Variants in COL24A1 observed in about 807,000 individuals in gnomAD.
The protein encoded by COL24A1 is collagen type XXIV alpha 1 chain.
A neutral mutation model predicts 253.9 loss-of-function variants in COL24A1; 224 were observed. The ratio of observed to expected loss-of-function variants is 0.88; its 90% CI spans 0.79 to 0.99. The LOEUF is 0.99. Ranked by LOEUF, COL24A1 falls within the 50% of genes least tolerant of loss-of-function variation. The probability of loss-of-function intolerance (pLI) is 0.00; values close to 1 mark genes in which losing one functional copy is unlikely to be tolerated. For missense variants in COL24A1, 2,131 were observed against 2,068.5 expected (o/e 1.03, Z -0.59); for synonymous variants, 685 against 673.7 (o/e 1.02, Z -0.26).
intron 37 of COL24A1, among the ~76,000 whole-genome samples, chr1:85,849,670 C>T (rs1310162284): frequency 3.3e-5 from 5 of 152,146 alleles, no homozygotes; most frequent in Non-Finnish European, 5.9e-5. Context: ...TGGAACATTA[C>T]TTAGATTCAG....
intron 2 of COL24A1, among the ~76,000 whole-genome samples, chr1:86,132,945 A>G (rs1437669561): frequency 6.6e-6 from 1 of 152,048 alleles, no homozygotes. Context: ...GAATCTGTAA[A>G]TTACCTTGGG....
intron 19 of COL24A1, among the ~76,000 whole-genome samples, chr1:85,990,156 A>G (rs1412240434): frequency 6.6e-6 from 1 of 151,984 alleles, no homozygotes. Context: ...GAAAGAAAGT[A>G]CATGTTTCGT....
Position 86,146,160 on chromosome 1 carries a change from A to G in COL24A1, c.80T>C (p.Val27Ala), listed in dbSNP as rs1340671011. 3 of 1,611,188 alleles carry G rather than the reference A, an allele frequency of 1.9e-6. No individual in the cohort carries two copies. In the African/African-American group the frequency reaches 4.0e-5, roughly 22 times the overall value. The change falls in exon 2 of 60, where the codon GTA becomes GCA. Residue 27 changes from valine (V) to alanine (A), a missense_variant. Physicochemically the swap from Val to Ala is moderately conservative, Grantham distance 64. Coordinates refer to ENST00000370571, the MANE Select transcript of COL24A1 (RefSeq NM_152890.7). ...AKTKSLLHFI[V>A]LCVAGVVVHA... Reference sequence around the variant, plus strand: ...AACAACCACCCCAGCCACACATAGTACAATAAAATGAAGAAGTGATTTCCT... The same window carrying G: ...AACAACCACCCCAGCCACACATAGTGCAATAAAATGAAGAAGTGATTTCCT...
chr1:85,921,612 G>A (rs1686505915), intron 24 of COL24A1, among the ~76,000 whole-genome samples: 1 of 152,166 alleles, frequency 6.6e-6, no homozygotes, highest in Non-Finnish European at 1.5e-5. Flanking sequence ...CTAACAGAAA[G>A]GAATAGCATC....
chr1:85,801,868 T>C (rs985688233), intron 47 of COL24A1, among the ~76,000 whole-genome samples: 1 of 152,254 alleles, frequency 6.6e-6, no homozygotes, highest in South Asian at 2.1e-4. Flanking sequence ...ATTTGCTTTT[T>C]CAGTGACGGG....
intron 24 of COL24A1, among the ~76,000 whole-genome samples, chr1:85,945,020 T>G (rs1571320441): frequency 9.8e-5 from 9 of 91,642 alleles, no homozygotes; most frequent in African/African-American, 1.9e-4. Context: ...TTTTTTTTTT[T>G]TTTTTTTTTT....
intron 47 of COL24A1, among the ~76,000 whole-genome samples, chr1:85,815,902 A>G (rs892875368): frequency 6.6e-6 from 1 of 152,222 alleles, no homozygotes; most frequent in African/African-American, 2.4e-5. Flanking sequence ...TGGTTAAGCA[A>G]AGACAAAAAT....
intron 12 of COL24A1, among the ~76,000 whole-genome samples, chr1:86,044,093 G>A (rs12729890): frequency 8.2e-4 from 124 of 151,926 alleles, no homozygotes; most frequent in African/African-American, 2.9e-3. Context: ...TACTTTTTTC[G>A]ACATCAAAGA....
rs1040953080 is a variant in COL24A1, at chr1:85,803,354, C to T, written c.3951+13434G>A. On this transcript the variant is annotated intron_variant, in intron 47 of 59. Coordinates refer to ENST00000370571, the MANE Select transcript of COL24A1 (RefSeq NM_152890.7). ...CTGAGGCAGGAGAATCACTTGAACT[C>T]GGGAGGTGGAGGTTGCAGTGAGCTG... 1.4e-4 allele frequency among the ~76,000 whole-genome samples: 21 copies of T among 147,956 alleles called. 1 individual carries two copies. The highest frequency in any genetic ancestry group is 2.4e-4 in the Non-Finnish European group (16 of 67,408).
chr1:85,771,788 T>TTATTTATC (rs1667993839), intron 53 of COL24A1, among the ~76,000 whole-genome samples: 1 of 150,424 alleles, frequency 6.6e-6, no homozygotes. Context: ...TTTTATTTAT[T>TTATTTATC]TATTTATTTA....
intron 18 of COL24A1, among the ~76,000 whole-genome samples, chr1:86,017,505 A>T (rs929954637): frequency 2.0e-5 from 3 of 152,224 alleles, no homozygotes; most frequent in African/African-American, 7.2e-5. Context: ...ATAAGACAAT[A>T]AAGCTGGACT....
intron 10 of COL24A1, among the ~76,000 whole-genome samples, chr1:86,050,499 GAA>G (rs1401147141): frequency 2.6e-5 from 4 of 152,000 alleles, no homozygotes; most frequent in African/African-American, 4.8e-5. Flanking sequence ...GGTATCAAAA[GAA>G]TATAAGAATA....
intron 57 of COL24A1, among the ~76,000 whole-genome samples, chr1:85,740,881 G>A (rs1350686397): frequency 5.4e-5 from 8 of 146,790 alleles, no homozygotes; most frequent in African/African-American, 1.5e-4. Flanking sequence ...AGGCCGAGGC[G>A]GGCAGATCAC....
At chr1:85,999,253 G>C (rs559538097) in intron 19 of COL24A1, among the ~76,000 whole-genome samples, 37 of 152,252 alleles carry the variant, frequency 2.4e-4, no homozygotes, top group African/African-American at 8.7e-4. Flanking sequence ...CAAGTACAGG[G>C]AAATAAGTTC....
intron 34 of COL24A1, 98 bp downstream of exon 34, chr1:85,875,179 G>C: frequency 9.6e-7 from 1 of 1,040,306 alleles, no homozygotes; most frequent in South Asian, 1.4e-5. Context: ...GCTTCCACCT[G>C]CTTTCAAGTT....
At chr1:86,092,172 T>C in intron 6 of COL24A1, 95 bp downstream of exon 6, 1 of 929,256 alleles carries the variant, frequency 1.1e-6, no homozygotes, top group Non-Finnish European at 1.6e-6. Flanking sequence ...TTTTTTCCTG[T>C]CTGATACAGT....
chr1:86,041,254 G>A (rs946866124), intron 12 of COL24A1, among the ~76,000 whole-genome samples: 1 of 152,118 alleles, frequency 6.6e-6, no homozygotes, highest in African/African-American at 2.4e-5. Flanking sequence ...AACTTTAAAT[G>A]TAATGTGATT....
chr1:86,026,993 C>T (rs1698093004), intron 14 of COL24A1, among the ~76,000 whole-genome samples: 1 of 152,108 alleles, frequency 6.6e-6, no homozygotes, highest in Admixed American at 6.5e-5. Flanking sequence ...TTTTGCCCTG[C>T]CCTAAAGTTC....
intron 12 of COL24A1, among the ~76,000 whole-genome samples, chr1:86,041,453 C>T (rs1699475310): frequency 1.3e-5 from 2 of 152,030 alleles, no homozygotes; most frequent in African/African-American, 4.8e-5. Flanking sequence ...GCATGGCTAA[C>T]TTGGTACAAG....
Sources: allele counts gnomAD v4.1 joint callset (sites outside exome capture counted in the v4.1 genomes callset), GRCh38; gene constraint gnomAD v4.1.1; transcripts MANE v1.5; gene names NCBI Gene and HGNC (gene_info 2026-07-23, HGNC 2026-07-21).